NRXN1: variants seen among roughly 807,000 people sequenced by gnomAD.
NRXN1 encodes neurexin-1.
In NRXN1, 39 loss-of-function variants were observed where a neutral mutation model predicts 150.9. That is an observed-to-expected ratio of 0.26 (90% CI 0.20 to 0.34). NRXN1 has a LOEUF of 0.34. Ranked by LOEUF, NRXN1 falls within the 10% of genes least tolerant of loss-of-function variation. The pLI, the probability that NRXN1 is intolerant of heterozygous loss-of-function variation, is 1.00. For missense variants in NRXN1, 1,815 were observed against 1,949.9 expected, an observed-to-expected ratio of 0.93 and a Z score of 1.30; for synonymous variants, 924 against 757.0, an observed-to-expected ratio of 1.22 and a Z score of -3.62.
intron 18 of NRXN1, among the ~76,000 whole-genome samples, chr2:50,213,698 AGTGGTTCAAAGAAT>A (rs145476406): frequency 0.14 from 20,532 of 151,770 alleles, 1,609 homozygotes; most frequent in African/African-American, 0.21. Context: ...GTCATTAGCT[AGTGGTTCAAAGAAT>A]CTTGTTTGGA....
At chr2:50,621,501 T>C (rs1265810224) in intron 6 of NRXN1, among the ~76,000 whole-genome samples, 1 of 152,172 alleles carries the variant, frequency 6.6e-6, no homozygotes, top group African/African-American at 2.4e-5. Flanking sequence ...TTTTTCCTGC[T>C]ATTATTGTTC....
chr2:50,226,595 G>C (rs926529332), intron 18 of NRXN1, among the ~76,000 whole-genome samples: 4 of 151,926 alleles, frequency 2.6e-5, no homozygotes, highest in African/African-American at 9.7e-5. Flanking sequence ...ATGTGGAGTA[G>C]CTGAAGATGA....
chr2:50,716,605 T>G (rs1695897745), intron 5 of NRXN1, among the ~76,000 whole-genome samples: 1 of 152,152 alleles, frequency 6.6e-6, no homozygotes, highest in Admixed American at 6.5e-5. Flanking sequence ...TAATGAGAAC[T>G]TGTTGCATTC....
intron 5 of NRXN1, among the ~76,000 whole-genome samples, chr2:50,741,431 T>G (rs1379673841): frequency 6.6e-6 from 1 of 152,196 alleles, no homozygotes; most frequent in Non-Finnish European, 1.5e-5. Flanking sequence ...CAAATGCTCC[T>G]AATACAAGAA....
intron 5 of NRXN1, among the ~76,000 whole-genome samples, chr2:50,735,018 G>A (rs913485863): frequency 6.6e-6 from 1 of 152,116 alleles, no homozygotes; most frequent in Non-Finnish European, 1.5e-5. Flanking sequence ...ATGTGTTGAA[G>A]GTACTCTATC....
intron 17 of NRXN1, among the ~76,000 whole-genome samples, chr2:50,396,442 C>T (rs1489237494): frequency 1.3e-5 from 2 of 152,166 alleles, no homozygotes; most frequent in African/African-American, 4.8e-5. Flanking sequence ...GAATCATCCA[C>T]ATTCCTGCTA....
intron 21 of NRXN1, among the ~76,000 whole-genome samples, chr2:50,012,411 T>G (rs572522757): frequency 2.0e-4 from 30 of 152,248 alleles, no homozygotes; most frequent in African/African-American, 7.0e-4. Flanking sequence ...AAGTTATAAT[T>G]CATACAAAAT....
chr2:50,454,853 G>C (rs571412127), intron 17 of NRXN1, among the ~76,000 whole-genome samples: 2 of 152,088 alleles, frequency 1.3e-5, no homozygotes, highest in South Asian at 2.1e-4. Context: ...GACAACTCTA[G>C]ACAGTAAATA....
intron 22 of NRXN1, among the ~76,000 whole-genome samples, chr2:49,933,593 A>G (rs1229854958): frequency 6.6e-6 from 1 of 151,978 alleles, no homozygotes; most frequent in Non-Finnish European, 1.5e-5. Flanking sequence ...GACAGTTTGC[A>G]GTTCATTATC....
chr2:50,472,576 TAAAAA>T, intron 15 of NRXN1, 105 bp from the exon 16 acceptor site: 1 of 832,622 alleles, frequency 1.2e-6, no homozygotes, highest in African/African-American at 1.9e-5. Flanking sequence ...ATTAAGTTAA[TAAAAA>T]ATTAATTTAT....
chr2:51,027,684 A>G lies in NRXN1; in HGVS notation c.590T>C (p.Val197Ala). The G allele has an allele frequency of 6.2e-7, 1 of 1,604,652 alleles. No homozygotes were observed. The highest frequency in any genetic ancestry group is 1.1e-5 in the South Asian group (1 of 89,556). The change falls in exon 2 of 23, where the codon GTG becomes GCG. Residue 197 changes from valine (V) to alanine (A), a missense_variant. Coordinates refer to ENST00000401669, the MANE Select transcript of NRXN1 (RefSeq NM_001330078.2). ...VRVNSSQVLP[V>A]DSGEVKLDDE... The stretch of plus-strand genomic sequence containing the variant: ...GTCCAGCTTCACCTCGCCGCTGTCC[A>G]CGGGCAGGACCTGCGAGGAGTTGAC...
intron 9 of NRXN1, among the ~76,000 whole-genome samples, chr2:50,541,265 C>T (rs1377990500): frequency 6.6e-6 from 1 of 152,050 alleles, no homozygotes; most frequent in Non-Finnish European, 1.5e-5. Flanking sequence ...CTGTACTGTC[C>T]TTGCTCAGGG....
chr2:50,729,473 C>T (rs1263274010), intron 5 of NRXN1, among the ~76,000 whole-genome samples: 2 of 152,158 alleles, frequency 1.3e-5, no homozygotes, highest in Non-Finnish European at 2.9e-5. Context: ...ACCCAGGAAG[C>T]CTAACTTCAG....
At chr2:50,831,053 G>T (rs748778458) in intron 5 of NRXN1, among the ~76,000 whole-genome samples, 5 of 152,068 alleles carry the variant, frequency 3.3e-5, no homozygotes, top group Non-Finnish European at 7.4e-5. Flanking sequence ...TGGAAAATGG[G>T]GTCTCTGTCT....
At chr2:50,261,254 C>G (rs1019202081) in intron 17 of NRXN1, among the ~76,000 whole-genome samples, 1 of 151,772 alleles carries the variant, frequency 6.6e-6, no homozygotes, top group African/African-American at 2.4e-5. Flanking sequence ...CAAATTTGAC[C>G]CTGAAAATGA....
chr2:50,597,860 G>A (rs1000288365), intron 8 of NRXN1, among the ~76,000 whole-genome samples: 3 of 152,004 alleles, frequency 2.0e-5, no homozygotes, highest in Admixed American at 6.6e-5. Flanking sequence ...CATTCCCAGC[G>A]GGGCACAGTG....
rs1330334220 is a variant in NRXN1 at position 49,918,747 on chromosome 2, A to C, written c.*3197T>G. 6.6e-6 allele frequency: 1 copy of C among 152,136 alleles called. No individual in the cohort carries two copies. Among genetic ancestry groups the C allele is most frequent in the Non-Finnish European group, 1.5e-5 (1 of 67,992 alleles). 9.4% of individuals were successfully genotyped at this position (152,136 alleles called of 1,614,324 possible). On this transcript the variant is annotated 3_prime_UTR_variant, in exon 23 of 23. Coordinates refer to ENST00000401669, the MANE Select transcript of NRXN1 (RefSeq NM_001330078.2). ...AGTTAAATCCAGAAAAAAGAGAGTC[A>C]ACATTCTTCCTCTATAATATAAGGA...
At chr2:50,460,966 A>G (rs540969793) in intron 17 of NRXN1, among the ~76,000 whole-genome samples, 4 of 152,136 alleles carry the variant, frequency 2.6e-5, no homozygotes, top group African/African-American at 7.2e-5. Context: ...ACAGCTTAAT[A>G]CTACTGGCAA....
chr2:50,424,189 GGGA>G (rs1311199190), intron 17 of NRXN1, among the ~76,000 whole-genome samples: 2 of 90,080 alleles, frequency 2.2e-5, no homozygotes, highest in Non-Finnish European at 2.2e-5. Context: ...GAGGAAGAGG[GGGA>G]GGAGGAGGAG....
Sources: gnomAD v4.1 joint callset for allele counts (sites outside exome capture counted in the v4.1 genomes callset) on GRCh38, gnomAD v4.1.1 for gene constraint, MANE v1.5 for transcripts, NCBI Gene and HGNC (gene_info 2026-07-23, HGNC 2026-07-21) for gene names.